The following MAP3K1 variants were observed in gnomAD, a reference collection of about 807,000 sequenced individuals.
MAP3K1 encodes the protein mitogen-activated protein kinase kinase kinase 1.
MAP3K1 carries 36 observed loss-of-function variants against 144.2 expected under a neutral mutation model. That is an observed-to-expected ratio of 0.25 (90% CI 0.19 to 0.33). The LOEUF is 0.33. MAP3K1 is among the 10% of genes least tolerant of loss of function. MAP3K1 has a pLI of 1.00. For missense variants in MAP3K1, 1,650 were observed against 1,881.9 expected (o/e 0.88, Z 2.28); for synonymous variants, 718 against 688.7 (o/e 1.04, Z -0.67).
At chr5:56,861,374 T>C (rs832572) in intron 3 of MAP3K1, among the ~76,000 whole-genome samples, 117,525 of 151,836 alleles carry the variant, frequency 0.77, 45,822 homozygotes, top group Non-Finnish European at 0.82. Context: ...GAGTTCAAGA[T>C]CAGCCTGGCC....
chr5:56,852,721 A>T (rs1348692289), intron 1 of MAP3K1, among the ~76,000 whole-genome samples: 1 of 152,182 alleles, frequency 6.6e-6, no homozygotes, highest in Non-Finnish European at 1.5e-5. Flanking sequence ...TTTCTGGGTA[A>T]TGTTTGGCAA....
chr5:56,895,049 T>C lies in MAP3K1; in HGVS notation c.*1369T>C, dbSNP rs138338135. The C allele has an allele frequency of 7.3e-4, 169 of 231,710 alleles. 1 individual carries two copies. The highest frequency in any genetic ancestry group is 6.7e-3 in the South Asian group (37 of 5,520). The allele number at this position is 231,710 out of a possible 1,614,324, so 14.4% of individuals were successfully genotyped here. ...TAAGTACAACTTTGAGATTTTAGTT[T>C]TAACTCTTCAGAAGCCAGTGTGAAA... On this transcript the variant is annotated 3_prime_UTR_variant, in exon 20 of 20. Transcript: ENST00000399503.
chr5:56,894,661 T>TA lies in MAP3K1; in HGVS notation c.*982dup, dbSNP rs1748650340. ...AGGAAACTTCACAACATTTAAGTCTTACTCTGTATGTAACAATCCATCATT... is the reference window on the plus strand; with the variant it reads ...AGGAAACTTCACAACATTTAAGTCTTAACTCTGTATGTAACAATCCATCATT... On this transcript the variant is annotated 3_prime_UTR_variant, in exon 20 of 20. Coordinates refer to ENST00000399503, the MANE Select transcript of MAP3K1 (RefSeq NM_005921.2). 1 of 232,328 alleles carries TA rather than the reference T, an allele frequency of 4.3e-6. No homozygotes were observed. The highest frequency in any genetic ancestry group is 8.5e-6 in the Non-Finnish European group (1 of 117,524). 14.4% of individuals were successfully genotyped at this position (232,328 alleles called of 1,614,324 possible). A position where few individuals can be genotyped will look rare whatever the true frequency, so the allele number is the denominator to read the frequency against.
chr5:56,838,082 T>C (rs1746707906), intron 1 of MAP3K1, among the ~76,000 whole-genome samples: 1 of 152,248 alleles, frequency 6.6e-6, no homozygotes, highest in Non-Finnish European at 1.5e-5. Flanking sequence ...TAGCTGTCAG[T>C]CTGTTTTCAT....
At chr5:56,845,143 A>G (rs1746950473) in intron 1 of MAP3K1, among the ~76,000 whole-genome samples, 1 of 152,246 alleles carries the variant, frequency 6.6e-6, no homozygotes, top group African/African-American at 2.4e-5. Context: ...CTTAAAATAC[A>G]GAAGCTTTAA....
At chr5:56,847,720 A>T (rs1039363820) in intron 1 of MAP3K1, among the ~76,000 whole-genome samples, 3 of 152,236 alleles carry the variant, frequency 2.0e-5, no homozygotes, top group Non-Finnish European at 4.4e-5. Flanking sequence ...TAGAGTTTTT[A>T]AAAAATGTAC....
chr5:56,831,005 T>A (rs151338947), intron 1 of MAP3K1, among the ~76,000 whole-genome samples: 3 of 152,192 alleles, frequency 2.0e-5, no homozygotes, highest in Non-Finnish European at 2.9e-5. Flanking sequence ...AGTTTCTGCG[T>A]AAGGAATATA....
chr5:56,892,341 G>A (rs912252412), intron 19 of MAP3K1, among the ~76,000 whole-genome samples: 37 of 152,148 alleles, frequency 2.4e-4, no homozygotes, highest in Non-Finnish European at 4.4e-4. Flanking sequence ...TGTTATTGGT[G>A]TATAAGAATG....
intron 1 of MAP3K1, among the ~76,000 whole-genome samples, chr5:56,827,599 C>T (rs1746357114): frequency 6.6e-6 from 1 of 152,156 alleles, no homozygotes; most frequent in Non-Finnish European, 1.5e-5. Context: ...TGCCGTGGCT[C>T]ACGCCCGTAA....
At position 56,843,717 on chromosome 5, in the gene MAP3K1, G is replaced by A. The variant is rs115656181; in HGVS notation, c.483-12883G>A. ...TTCTCTTAGGGTGGGTTCATACAACGAGACTACCCATCTCGCTGGCTGTCT... is the reference window on the plus strand; with the variant it reads ...TTCTCTTAGGGTGGGTTCATACAACAAGACTACCCATCTCGCTGGCTGTCT... On this transcript the variant is annotated intron_variant, in intron 1 of 19. Transcript: ENST00000399503. Among the ~76,000 whole-genome samples the A allele has an allele frequency of 7.4e-3, 1,124 of 152,238 alleles. 22 individuals carry two copies. The highest frequency in any genetic ancestry group is 0.025 in the African/African-American group (1,023 of 41,524).
rs760562211 is a variant in MAP3K1, at chr5:56,884,627, A to G, written c.3820-37A>G. 3.1e-6 allele frequency: 5 copies of G among 1,607,996 alleles called. No homozygotes were observed. The African/African-American group carries it at 6.7e-5, about 21-fold the overall frequency. ...ATTTTAGATCAGATTGCTAGTGAAA[A>G]TATGCAAAACTTTGTGAACGTGTTT... On this transcript the variant is annotated intron_variant, in intron 15 of 19. Transcript: ENST00000399503.
intron 10 of MAP3K1, among the ~76,000 whole-genome samples, chr5:56,876,043 T>C (rs1748017396): frequency 1.3e-5 from 2 of 152,182 alleles, no homozygotes; most frequent in Non-Finnish European, 2.9e-5. Flanking sequence ...AAAAGTTCTT[T>C]CATGGGTGGA....
Position 56,865,476 on chromosome 5 carries a change from T to C in MAP3K1, c.1152+20T>C, listed in dbSNP as rs1436770388. On this transcript the variant is annotated intron_variant, in intron 5 of 19. Coordinates refer to ENST00000399503, the MANE Select transcript of MAP3K1 (RefSeq NM_005921.2). ...TTTGAGGTAGTTTTTAATAAATGCT[T>C]AGAGTAAAATTGTTAGCATATTCTT... 4.7e-6 allele frequency: 6 copies of C among 1,265,832 alleles called. No individual in the cohort carries two copies. Among genetic ancestry groups the C allele is most frequent in the Non-Finnish European group, 5.8e-6 (5 of 862,458 alleles). 78.4% of individuals were successfully genotyped at this position (1,265,832 alleles called of 1,614,324 possible). A position where few individuals can be genotyped will look rare whatever the true frequency, so the allele number is the denominator to read the frequency against.
Position 56,884,723 on chromosome 5 carries a change from AGAGAT to A in MAP3K1, c.3880_3884del (p.Glu1294LysfsTer13). 1.2e-6 allele frequency: 2 copies of A among 1,613,624 alleles called. No individual in the cohort carries two copies. On this transcript the variant is annotated frameshift_variant, in exon 16 of 20. Transcript: ENST00000399503. LOFTEE classifies it high-confidence loss of function. ...AAGAAGTAGTAGAAGCACTAAGAGA[AGAGAT>A]AAGAATGATGAGCCATCTGAATCAT...
chr5:56,882,813 GT>G lies in MAP3K1; in HGVS notation c.3615del (p.Pro1206LeufsTer39). On this transcript the variant is annotated frameshift_variant, in exon 14 of 20. Coordinates refer to ENST00000399503, the MANE Select transcript of MAP3K1 (RefSeq NM_005921.2). LOFTEE classifies it high-confidence loss of function. The stretch of plus-strand genomic sequence containing the variant: ...AGCGTCTCAGGATGCCCTCCCCATA[GT>G]TCCTCAGCTGCAGGTTGAAAATGGA... ...MSASQDALPI[V>X]PQLQVENGED... 6.2e-7 allele frequency: 1 copy of G among 1,612,690 alleles called. No homozygotes were observed. Among genetic ancestry groups the G allele is most frequent in the African/African-American group, 1.3e-5 (1 of 74,992 alleles).
rs751798276 is a variant in MAP3K1, at chr5:56,879,046, A to C, written c.2032A>C (p.Arg678=). ...TTTAGCGGAAAGAATCAAACTTCAGAGACTTCTCCAGCCAGTTGTAGACAC... is the reference window on the plus strand; with the variant it reads ...TTTAGCGGAAAGAATCAAACTTCAGCGACTTCTCCAGCCAGTTGTAGACAC... ...HSLAERIKLQ[R]LLQPVVDTIL... Residue 678 remains arginine, a synonymous_variant, in exon 11 of 20, where the codon AGA becomes CGA. Coordinates refer to ENST00000399503, the MANE Select transcript of MAP3K1 (RefSeq NM_005921.2). The C allele has an allele frequency of 6.2e-7, 1 of 1,613,976 alleles. No individual in the cohort carries two copies. The highest frequency in any genetic ancestry group is 2.2e-5 in the East Asian group (1 of 44,876).
At chr5:56,888,163 T>C in intron 18 of MAP3K1, 63 bp from the exon 19 acceptor site, 1 of 1,492,498 alleles carries the variant, frequency 6.7e-7, no homozygotes, top group South Asian at 1.1e-5. Context: ...AATCTATAAC[T>C]ACAAAATGGC....
At chr5:56,889,395 C>T (rs925126220) in intron 19 of MAP3K1, among the ~76,000 whole-genome samples, 1 of 152,172 alleles carries the variant, frequency 6.6e-6, no homozygotes, top group Non-Finnish European at 1.5e-5. Flanking sequence ...TCTCGAACTC[C>T]TGACCTCAAG....
In MAP3K1 at chr5:56,865,950, G is replaced by C; in HGVS notation, c.1274G>C (p.Ser425Thr). The C allele has an allele frequency of 6.2e-7, 1 of 1,611,640 alleles. No homozygotes were observed. The highest frequency in any genetic ancestry group is 8.5e-7 in the Non-Finnish European group (1 of 1,177,760). ...AATTCTCATACATTGTCATCATCTA[G>C]TACTTCTACGTCTAGTTCAGAAAAC... ...MSNSHTLSSSSTSTSSSENSI... is the reference protein window; with the variant it reads ...MSNSHTLSSSTTSTSSSENSI... The change falls in exon 6 of 20, where the codon AGT becomes ACT. Residue 425 changes from serine (S) to threonine (T), a missense_variant. Physicochemically the swap from Ser to Thr is moderately conservative, Grantham distance 58. Coordinates refer to ENST00000399503, the MANE Select transcript of MAP3K1 (RefSeq NM_005921.2).
Sources: allele counts gnomAD v4.1 joint callset (sites outside exome capture counted in the v4.1 genomes callset), GRCh38; gene constraint gnomAD v4.1.1; transcripts MANE v1.5; gene names NCBI Gene and HGNC (gene_info 2026-07-23, HGNC 2026-07-21).